PARN: variants seen among roughly 807,000 people sequenced by gnomAD.
PARN encodes poly(A)-specific ribonuclease PARN.
PARN carries 71 observed loss-of-function variants against 102.8 expected under a neutral mutation model. The ratio of observed to expected loss-of-function variants is 0.69; its 90% CI spans 0.57 to 0.84. The LOEUF (loss-of-function observed/expected upper bound fraction) is 0.84. Ranked by LOEUF, PARN falls within the 40% of genes least tolerant of loss-of-function variation. The pLI is 0.00. For synonymous variants in PARN, 261 were observed against 252.9 expected (o/e 1.03, Z -0.30); for missense variants, 782 against 760.9 (o/e 1.03, Z -0.33).
chr16:14,540,557 T>C (rs903012665), intron 21 of PARN, among the ~76,000 whole-genome samples: 2 of 152,182 alleles, frequency 1.3e-5, no homozygotes, highest in African/African-American at 4.8e-5. Flanking sequence ...TTTTGATGCA[T>C]TTACATTAGA....
chr16:14,480,625 T>C (rs1963323927), intron 22 of PARN, among the ~76,000 whole-genome samples: 1 of 152,178 alleles, frequency 6.6e-6, no homozygotes, highest in Non-Finnish European at 1.5e-5. Context: ...TACTGTCTCA[T>C]TCCATCTAAG....
intron 23 of PARN, among the ~76,000 whole-genome samples, chr16:14,446,330 A>G (rs1287784481): frequency 1.3e-5 from 2 of 152,198 alleles, no homozygotes; most frequent in African/African-American, 4.8e-5. Flanking sequence ...TGCTTCATCA[A>G]ATAAGGATGA....
intron 21 of PARN, among the ~76,000 whole-genome samples, chr16:14,528,707 A>C (rs1012565745): frequency 2.6e-5 from 4 of 152,164 alleles, no homozygotes; most frequent in African/African-American, 9.7e-5. Flanking sequence ...AATTCTCCCC[A>C]GCCTGGTAAA....
chr16:14,577,938 G>T (rs1969248976), intron 18 of PARN, among the ~76,000 whole-genome samples: 1 of 151,976 alleles, frequency 6.6e-6, no homozygotes, highest in Non-Finnish European at 1.5e-5. Flanking sequence ...AAAGTGCTGG[G>T]ATTACAGACA....
intron 18 of PARN, among the ~76,000 whole-genome samples, chr16:14,573,884 T>A (rs1023366520): frequency 6.6e-6 from 1 of 152,188 alleles, no homozygotes; most frequent in South Asian, 2.1e-4. Flanking sequence ...CTTTTGTAAA[T>A]TGCCCAGTCT....
chr16:14,552,879 C>T (rs776505631), intron 20 of PARN, among the ~76,000 whole-genome samples: 45 of 151,842 alleles, frequency 3.0e-4, no homozygotes, highest in Admixed American at 3.3e-4. Flanking sequence ...ACCTGGGAGG[C>T]GGAGGTTGAG....
chr16:14,574,379 G>A (rs1369035311), intron 18 of PARN, among the ~76,000 whole-genome samples: 1 of 152,126 alleles, frequency 6.6e-6, no homozygotes, highest in Admixed American at 6.6e-5. Flanking sequence ...GGGAAGTAGA[G>A]CACAAAAGTT....
intron 21 of PARN, among the ~76,000 whole-genome samples, chr16:14,531,208 TGTG>T (rs1431492148): frequency 2.6e-5 from 4 of 152,024 alleles, no homozygotes; most frequent in African/African-American, 9.7e-5. Context: ...AGCCAGGCGT[TGTG>T]GTTAGTGCCT....
chr16:14,474,308 G>A (rs1312437493), intron 22 of PARN, among the ~76,000 whole-genome samples: 3 of 152,110 alleles, frequency 2.0e-5, no homozygotes, highest in Non-Finnish European at 4.4e-5. Context: ...CTCAGCCAAT[G>A]ATCTTTTTAT....
At position 14,435,978 on chromosome 16, in the gene PARN, A is replaced by ACCGCC. The variant is rs1960674915; in HGVS notation, c.*734_*738dup. 2 of 151,642 alleles carry ACCGCC rather than the reference A, an allele frequency of 1.3e-5. No individual in the cohort carries two copies. Among genetic ancestry groups the ACCGCC allele is most frequent in the Admixed American group, 1.3e-4 (2 of 15,172 alleles). The allele number at this position is 151,642 out of a possible 1,614,324, so 9.4% of individuals were successfully genotyped here. On this transcript the variant is annotated 3_prime_UTR_variant, in exon 24 of 24. Coordinates refer to ENST00000437198, the MANE Select transcript of PARN (RefSeq NM_002582.4). ...CGCACACACGCTGCCGTACCCCGAG[A>ACCGCC]CCGCCATCCAAACAAACGAACAGAG...
At chr16:14,438,769 A>T (rs1348089125) in intron 23 of PARN, among the ~76,000 whole-genome samples, 3 of 152,190 alleles carry the variant, frequency 2.0e-5, no homozygotes, top group Admixed American at 1.3e-4. Flanking sequence ...CTATAATCAA[A>T]AAGATGCTAG....
At chr16:14,453,758 T>G (rs1174583662) in intron 22 of PARN, among the ~76,000 whole-genome samples, 1 of 152,228 alleles carries the variant, frequency 6.6e-6, no homozygotes, top group Non-Finnish European at 1.5e-5. Context: ...CACATGGCTG[T>G]TAGTATTAGT....
At chr16:14,495,122 G>A (rs1161367199) in intron 21 of PARN, among the ~76,000 whole-genome samples, 1 of 152,096 alleles carries the variant, frequency 6.6e-6, no homozygotes, top group East Asian at 1.9e-4. Context: ...GGGCAGTCAT[G>A]AAAGCCTGGG....
chr16:14,506,245 G>C lies in PARN; in HGVS notation c.1481-23418C>G, dbSNP rs944478411. 8.5e-5 allele frequency among the ~76,000 whole-genome samples: 13 copies of C among 152,326 alleles called. No individual in the cohort carries two copies. In the East Asian group the frequency reaches 1.7e-3, roughly 20 times the overall value. On this transcript the variant is annotated intron_variant, in intron 21 of 23. Transcript: ENST00000437198. ...TCAATCTTGTGAAAATAAGAAACAG[G>C]CTGGGGAACTATTCCAGATTAAAGG... is the stretch of plus-strand genomic sequence containing the variant.
chr16:14,604,268 C>A, intron 10 of PARN, 42 bp from the exon 11 acceptor site: 1 of 1,289,104 alleles, frequency 7.8e-7, no homozygotes, highest in Non-Finnish European at 1.1e-6. Flanking sequence ...TTTTCTTTTT[C>A]TTTTTTTTTG....
chr16:14,534,389 G>C (rs1966519352), intron 21 of PARN, among the ~76,000 whole-genome samples: 1 of 152,098 alleles, frequency 6.6e-6, no homozygotes, highest in African/African-American at 2.4e-5. Flanking sequence ...AGATAAATCA[G>C]TAAGAAATAA....
chr16:14,614,339 C>T (rs1337926366), intron 6 of PARN, among the ~76,000 whole-genome samples: 1 of 151,948 alleles, frequency 6.6e-6, no homozygotes, highest in Non-Finnish European at 1.5e-5. Flanking sequence ...GTATAGAGGA[C>T]TAAAGAGAGA....
At chr16:14,625,295 C>T (rs546635406) in intron 5 of PARN, among the ~76,000 whole-genome samples, 2 of 152,072 alleles carry the variant, frequency 1.3e-5, no homozygotes, top group East Asian at 1.9e-4. Context: ...GTCGAGAGTT[C>T]GAGACCAGCC....
intron 6 of PARN, among the ~76,000 whole-genome samples, chr16:14,616,832 G>GTTT (rs1212158737): frequency 1.3e-5 from 2 of 152,078 alleles, no homozygotes; most frequent in East Asian, 3.9e-4. Context: ...GCACTAGCTG[G>GTTT]AAAAGAGGGT....
Sources: allele counts gnomAD v4.1 joint callset (sites outside exome capture counted in the v4.1 genomes callset), GRCh38; gene constraint gnomAD v4.1.1; transcripts MANE v1.5; gene names NCBI Gene and HGNC (gene_info 2026-07-23, HGNC 2026-07-21).